Variants in CCDC81 observed in about 807,000 individuals in gnomAD.
The protein encoded by CCDC81 is coiled-coil domain containing 81, also known as coiled-coil domain-containing protein 81.
In CCDC81, 79 loss-of-function variants were observed where a neutral mutation model predicts 83.7. That is an observed-to-expected ratio of 0.94 (90% CI 0.79 to 1.14). The LOEUF (loss-of-function observed/expected upper bound fraction) is 1.14. Ranked by LOEUF, CCDC81 falls within the 50% of genes most tolerant of loss-of-function variation. The pLI is 0.00. For synonymous variants in CCDC81, 252 were observed against 278.1 expected (o/e 0.91, Z 0.93); for missense variants, 791 against 778.1 (o/e 1.02, Z -0.20).
At chr11:86,376,761 C>A (rs974127663) in intron 1 of CCDC81, among the ~76,000 whole-genome samples, 1 of 152,182 alleles carries the variant, frequency 6.6e-6, no homozygotes. Context: ...CATCCCTCAC[C>A]GGAGTGGTAC....
At chr11:86,418,671 A>T (rs529291786) in intron 13 of CCDC81, among the ~76,000 whole-genome samples, 1 of 152,376 alleles carries the variant, frequency 6.6e-6, no homozygotes, top group South Asian at 2.1e-4. Context: ...CAGAGAAGTA[A>T]AATTCATAGA....
At chr11:86,409,961 C>T (rs1413241731) in intron 10 of CCDC81, among the ~76,000 whole-genome samples, 2 of 152,130 alleles carry the variant, frequency 1.3e-5, no homozygotes, top group African/African-American at 4.8e-5. Flanking sequence ...TACTAAAGTC[C>T]AGCCCAAGGA....
chr11:86,412,215 GA>G (rs2138535709), intron 10 of CCDC81, among the ~76,000 whole-genome samples, 171 bp from the exon 11 acceptor site: 1 of 152,304 alleles, frequency 6.6e-6, no homozygotes, highest in East Asian at 1.9e-4. Flanking sequence ...CTTCATCCTT[GA>G]ACACACTCAT....
intron 1 of CCDC81, among the ~76,000 whole-genome samples, chr11:86,381,460 G>T (rs1948175741): frequency 6.6e-6 from 1 of 152,078 alleles, no homozygotes; most frequent in South Asian, 2.1e-4. Flanking sequence ...AATATGTGGG[G>T]ACCCTCCCTC....
At chr11:86,413,504 C>A (rs1446736792) in intron 11 of CCDC81, among the ~76,000 whole-genome samples, 2 of 151,924 alleles carry the variant, frequency 1.3e-5, no homozygotes, top group Non-Finnish European at 1.5e-5. Flanking sequence ...TTAAAGGGAC[C>A]ACGCTCTTCC....
rs1948390251 is a variant in CCDC81 at position 86,395,322 on chromosome 11, G to A, written c.556-12G>A. Reference sequence around the variant, plus strand: ...AGCCTAGATGTAACCTTGCTCTGTTGCTGTCCTCTAGAGGCCTGGCACTGT... The same window carrying A: ...AGCCTAGATGTAACCTTGCTCTGTTACTGTCCTCTAGAGGCCTGGCACTGT... On this transcript the variant is annotated splice_polypyrimidine_tract_variant and intron_variant, in intron 4 of 14. Transcript: ENST00000445632. 6.2e-7 allele frequency: 1 copy of A among 1,613,026 alleles called. No individual in the cohort carries two copies. Among genetic ancestry groups the A allele is most frequent in the Non-Finnish European group, 8.5e-7 (1 of 1,179,190 alleles).
At chr11:86,398,420 TTGATGTC>T (rs2138518088) in intron 6 of CCDC81, among the ~76,000 whole-genome samples, 1 of 152,328 alleles carries the variant, frequency 6.6e-6, no homozygotes, top group South Asian at 2.1e-4. Flanking sequence ...TTTTATCACT[TTGATGTC>T]TGTAGAAGAA....
chr11:86,411,013 ATAATT>A (rs1380081450), intron 10 of CCDC81, among the ~76,000 whole-genome samples: 2 of 152,174 alleles, frequency 1.3e-5, no homozygotes, highest in African/African-American at 4.8e-5. Context: ...TTGCTCTCCT[ATAATT>A]TATTCTCCAC....
At chr11:86,384,449 G>C (rs1211320848) in intron 1 of CCDC81, among the ~76,000 whole-genome samples, 1 of 152,108 alleles carries the variant, frequency 6.6e-6, no homozygotes, top group Non-Finnish European at 1.5e-5. Flanking sequence ...ATTAATGGGT[G>C]AGTGAGTTTC....
intron 6 of CCDC81, 89 bp from the exon 7 acceptor site, chr11:86,400,587 CTT>C: frequency 7.9e-7 from 1 of 1,259,718 alleles, no homozygotes; most frequent in African/African-American, 1.5e-5. Context: ...GAGAGTGTAT[CTT>C]ATATGAAAAT....
Position 86,375,005 on chromosome 11 carries a change from G to A in CCDC81, c.-159G>A. 1 of 728,400 alleles carries A rather than the reference G, an allele frequency of 1.4e-6. No individual in the cohort carries two copies. 45.1% of individuals were successfully genotyped at this position (728,400 alleles called of 1,614,324 possible). ...GTTTATTTAAGAAAGAAGAAAAAGA[G>A]TCAAGAAGTTCAAGATTTTCGTCAC... On this transcript the variant is annotated 5_prime_UTR_variant, in exon 1 of 15. Coordinates refer to ENST00000445632, the MANE Select transcript of CCDC81 (RefSeq NM_001156474.2).
chr11:86,387,867 C>T (rs908397802), intron 3 of CCDC81, among the ~76,000 whole-genome samples, 195 bp downstream of exon 3: 1 of 152,128 alleles, frequency 6.6e-6, no homozygotes, highest in African/African-American at 2.4e-5. Context: ...TTTTAAACCC[C>T]AGTAACCTAA....
intron 1 of CCDC81, among the ~76,000 whole-genome samples, chr11:86,377,014 A>G (rs1425732523): frequency 1.3e-5 from 2 of 152,218 alleles, no homozygotes; most frequent in East Asian, 1.9e-4. Context: ...TGCCAGTTCC[A>G]GAATGTAATA....
Position 86,400,736 on chromosome 11 carries a change from A to G in CCDC81, c.816A>G (p.Thr272=). 1 of 1,613,222 alleles carries G rather than the reference A, an allele frequency of 6.2e-7. No homozygotes were observed. Among genetic ancestry groups the G allele is most frequent in the Non-Finnish European group, 8.5e-7 (1 of 1,179,276 alleles). ...DRQALFPAKV[T]NVSLLEKFER... ...AAGCTTTGTTCCCTGCCAAAGTGAC[A>G]AATGTCAGCTTGCTGGAAAAGTTTG... Residue 272 remains threonine (T), a synonymous_variant, in exon 7 of 15, where the codon ACA becomes ACG. Coordinates refer to ENST00000445632, the MANE Select transcript of CCDC81 (RefSeq NM_001156474.2).
Position 86,387,527 on chromosome 11 carries a change from T to A in CCDC81, c.153T>A (p.Ile51=). 6.2e-7 allele frequency: 1 copy of A among 1,614,036 alleles called. No homozygotes were observed. The highest frequency in any genetic ancestry group is 8.5e-7 in the Non-Finnish European group (1 of 1,179,986). Residue 51 remains isoleucine, a synonymous_variant, in exon 3 of 15, where the codon ATT becomes ATA. Transcript: ENST00000445632. ...RQLTLHKGVQ[I]PAFGTFTFIR... is the part of the protein sequence containing the mutation. ...TTTTTTCCTTTCAGGGGGTTCAGATTCCAGCATTTGGAACTTTCACTTTCA... is the reference window on the plus strand; with the variant it reads ...TTTTTTCCTTTCAGGGGGTTCAGATACCAGCATTTGGAACTTTCACTTTCA...
intron 13 of CCDC81, among the ~76,000 whole-genome samples, chr11:86,416,275 TA>T (rs1440319404): frequency 6.6e-6 from 1 of 152,216 alleles, no homozygotes; most frequent in African/African-American, 2.4e-5. Context: ...ACTGATTTTT[TA>T]AAAAAATTTA....
In CCDC81 at chr11:86,407,620, A is replaced by G. The variant is rs1278491158; in HGVS notation, c.888A>G (p.Ser296=). Residue 296 remains serine, a synonymous_variant, in exon 8 of 15, where the codon TCA becomes TCG. Transcript: ENST00000445632. ...GGKIMTPESL[S]YPSCLKHDSE... ...TGTTGCATTGTTTTTATAGCTTATC[A>G]TATCCAAGTTGTCTGAAACACGACA... The G allele has an allele frequency of 2.5e-6, 4 of 1,610,092 alleles. No homozygotes were observed. The highest frequency in any genetic ancestry group is 3.4e-6 in the Non-Finnish European group (4 of 1,176,908).
intron 9 of CCDC81, 62 bp downstream of exon 9, chr11:86,408,332 TTTA>T: frequency 2.1e-6 from 3 of 1,424,296 alleles, no homozygotes; most frequent in Non-Finnish European, 2.8e-6. Context: ...TATAATGTAA[TTTA>T]TTATTATTTT....
chr11:86,377,965 G>GTTTTTTTTTTTT (rs368831070), intron 1 of CCDC81, among the ~76,000 whole-genome samples: 1 of 14,840 alleles, frequency 6.7e-5, no homozygotes, highest in East Asian at 2.8e-3. Context: ...CTGTGCCTAG[G>GTTTTTTTTTTTT]TTCTTTTTTT....
Sources: gnomAD v4.1 joint callset for allele counts (sites outside exome capture counted in the v4.1 genomes callset) on GRCh38, gnomAD v4.1.1 for gene constraint, MANE v1.5 for transcripts, NCBI Gene and HGNC (gene_info 2026-07-23, HGNC 2026-07-21) for gene names.